EPB42: variants seen among roughly 807,000 people sequenced by gnomAD.
EPB42 encodes the protein protein 4.2.
In EPB42, 49 loss-of-function variants were observed where a neutral mutation model predicts 76.9. The observed-to-expected ratio is 0.64, with a 90% CI of 0.51 to 0.81. The LOEUF (loss-of-function observed/expected upper bound fraction) is 0.81, where lower values mean the gene tolerates loss of function less well. Among genes scored for constraint, EPB42 ranks in the 30% least tolerant of loss-of-function variants. The pLI is 0.00. For synonymous variants in EPB42, 310 were observed against 338.4 expected (o/e 0.92, Z 0.92); for missense variants, 731 against 867.6 (o/e 0.84, Z 1.98).
chr15:43,207,056 G>A (rs1424064284), intron 9 of EPB42, 143 bp downstream of exon 9: 2 of 1,214,056 alleles, frequency 1.6e-6, no homozygotes, highest in African/African-American at 1.5e-5. Context: ...AAATGTCAAT[G>A]GTGTCAAATG....
At chr15:43,222,864 T>A (rs775839185), upstream of EPB42, among the ~76,000 whole-genome samples, 4 of 152,240 alleles carry the variant, frequency 2.6e-5, no homozygotes, top group Non-Finnish European at 5.9e-5. Flanking sequence ...ATCAAAACTC[T>A]TATTAAATTC....
chr15:43,220,659 C>CCA, intron 1 of EPB42, 157 bp downstream of exon 1: 1 of 1,060,118 alleles, frequency 9.4e-7, no homozygotes, highest in South Asian at 1.3e-5. Context: ...ACCCCCCCCC[C>CCA]ACAGCCACCT....
At position 43,203,263 on chromosome 15, in the gene EPB42, G is replaced by C. The variant is rs552637754; in HGVS notation, c.1631C>G (p.Thr544Ser). The change falls in exon 11 of 13, where the codon ACC (threonine) becomes AGC (serine). Residue 544 changes from threonine (T) to serine (S), a missense_variant. Thr to Ser is a moderately conservative substitution (Grantham distance 58). Transcript: ENST00000441366. ...TLSANLEKII[T>S]IGLFFSNFER... ...AAAATTGGAGAAGAACAGGCCGATG[G>C]TTATTATCTTTTCTGAAACACATGA... 6.2e-7 allele frequency: 1 copy of C among 1,614,044 alleles called. No homozygotes were observed.
chr15:43,208,536 C>A, intron 7 of EPB42, 101 bp downstream of exon 7: 1 of 1,572,450 alleles, frequency 6.4e-7, no homozygotes, highest in Non-Finnish European at 8.7e-7. Flanking sequence ...AGCCTACTCT[C>A]CATGCCAGGG....
intron 3 of EPB42, among the ~76,000 whole-genome samples, chr15:43,214,471 T>C (rs2042346402): frequency 6.6e-6 from 1 of 152,076 alleles, no homozygotes; most frequent in Non-Finnish European, 1.5e-5. Context: ...AAGAACAGAA[T>C]GAGCCGGAAG....
intron 3 of EPB42, 91 bp downstream of exon 3, chr15:43,215,004 G>T: frequency 9.1e-7 from 1 of 1,095,242 alleles, no homozygotes; most frequent in Non-Finnish European, 1.4e-6. Context: ...TGCCACAGGG[G>T]CCTGGTGCAG....
At chr15:43,210,863 G>C (rs2042285002) in intron 4 of EPB42, among the ~76,000 whole-genome samples, 1 of 152,236 alleles carries the variant, frequency 6.6e-6, no homozygotes, top group Non-Finnish European at 1.5e-5. Flanking sequence ...TGGACACGCA[G>C]TGCAGCCCCT....
In EPB42 at chr15:43,206,037, G is replaced by T; in HGVS notation, c.1618+293C>A. 2.9e-6 allele frequency: 1 copy of T among 341,350 alleles called. No individual in the cohort carries two copies. The highest frequency in any genetic ancestry group is 5.4e-6 in the Non-Finnish European group (1 of 186,372). The allele number at this position is 341,350 out of a possible 1,614,324, so 21.1% of individuals were successfully genotyped here. ...TTGGGGGCAGCTTATTCCAGCCTGG[G>T]GGGAGGTGCTCTCCTGCCACTGTAC... On this transcript the variant is annotated intron_variant, in intron 10 of 12. Transcript: ENST00000441366. The surrounding 1 kb of genome is among the most constrained non-coding windows in gnomAD (Gnocchi z 4.7).
At chr15:43,210,570 C>T (rs1460257365) in intron 4 of EPB42, 131 bp from the exon 5 acceptor site, 1 of 799,000 alleles carries the variant, frequency 1.3e-6, no homozygotes, top group Non-Finnish European at 2.1e-6. Flanking sequence ...GCACTCCACA[C>T]CTGCCTCCCT....
At chr15:43,218,293 C>G (rs1435242377) in intron 1 of EPB42, among the ~76,000 whole-genome samples, 2 of 152,136 alleles carry the variant, frequency 1.3e-5, no homozygotes, top group Non-Finnish European at 2.9e-5. Context: ...GTATCCGAAC[C>G]CACGTAATGA....
rs1471026530 is a variant in EPB42, at chr15:43,206,945, A to G, written c.1318+254T>C. On this transcript the variant is annotated intron_variant, in intron 9 of 12. Coordinates refer to ENST00000441366, the MANE Select transcript of EPB42 (RefSeq NM_001114134.2). The surrounding 1 kb of genome is among the most constrained non-coding windows in gnomAD (Gnocchi z 4.7). ...CTGAGGACAGTTTTGCAGGGAACTG[A>G]ATTTTCCTATGTGAAAGAATTTAGA... Among the ~76,000 whole-genome samples, 1 of 152,192 alleles carries G rather than the reference A, an allele frequency of 6.6e-6. No homozygotes were observed. Among genetic ancestry groups the G allele is most frequent in the Non-Finnish European group, 1.5e-5 (1 of 68,034 alleles).
chr15:43,208,580 C>A, intron 7 of EPB42, 57 bp downstream of exon 7: 1 of 1,612,372 alleles, frequency 6.2e-7, no homozygotes, highest in Non-Finnish European at 8.5e-7. Flanking sequence ...CAGAGGTGTG[C>A]TATGCAGGGT....
intron 2 of EPB42, among the ~76,000 whole-genome samples, chr15:43,215,770 C>T (rs1006199588): frequency 2.6e-5 from 4 of 152,230 alleles, no homozygotes; most frequent in African/African-American, 9.6e-5. Context: ...GATCTCGGCT[C>T]ATTGCAACCT....
At chr15:43,201,490 C>A (rs2042124766) in intron 12 of EPB42, among the ~76,000 whole-genome samples, 1 of 152,170 alleles carries the variant, frequency 6.6e-6, no homozygotes, top group Admixed American at 6.5e-5. Context: ...CAGAATGTAG[C>A]CCTCTGACCA....
intron 12 of EPB42, among the ~76,000 whole-genome samples, chr15:43,199,269 C>T (rs1049838904): frequency 8.5e-5 from 13 of 152,304 alleles, no homozygotes; most frequent in South Asian, 2.1e-4. Context: ...CTGGGAGGGA[C>T]GCTGTACCCT....
chr15:43,219,731 G>A (rs1240121222), intron 1 of EPB42, among the ~76,000 whole-genome samples: 4 of 152,116 alleles, frequency 2.6e-5, no homozygotes, highest in Non-Finnish European at 4.4e-5. Context: ...AGGATCACGA[G>A]GTCAAGAGAT....
intron 1 of EPB42, 137 bp downstream of exon 1, chr15:43,220,679 C>T (rs113227921): frequency 1.3e-5 from 18 of 1,410,016 alleles, no homozygotes; most frequent in Non-Finnish European, 1.6e-5. Flanking sequence ...TCATTATCAC[C>T]AGTACCCCCT....
rs2042057857 is a variant in EPB42 at position 43,197,463 on chromosome 15, A to T, written c.1915T>A (p.Phe639Ile). 1 of 1,614,082 alleles carries T rather than the reference A, an allele frequency of 6.2e-7. No homozygotes were observed. The highest frequency in any genetic ancestry group is 2.2e-5 in the East Asian group (1 of 44,886). Residue 639 changes from phenylalanine to isoleucine, a missense_variant and splice_region_variant, in exon 13 of 13, where the codon TTC (phenylalanine) becomes ATC (isoleucine). Phe to Ile is a conservative substitution (Grantham distance 21, BLOSUM62 0). Coordinates refer to ENST00000441366, the MANE Select transcript of EPB42 (RefSeq NM_001114134.2). ...GTGTTTTCAGGCCACACTGAACGGAATCTGAAATAAAGGAAAAGGCAGGTG... is the reference window on the plus strand; with the variant it reads ...GTGTTTTCAGGCCACACTGAACGGATTCTGAAATAAAGGAAAAGGCAGGTG... ...GLIHRERSYR[F>I]RSVWPENTMC...
chr15:43,208,690 T>A lies in EPB42; in HGVS notation c.918A>T (p.Glu306Asp). Residue 306 changes from glutamate to aspartate, a missense_variant, in exon 7 of 13, where the codon GAA becomes GAT. Coordinates refer to ENST00000441366, the MANE Select transcript of EPB42 (RefSeq NM_001114134.2). ...TCTGAAGTCCCTCCTCATTATAGTATTCATCTATGAGAAGACGCCCACCGG... is the reference window on the plus strand; with the variant it reads ...TCTGAAGTCCCTCCTCATTATAGTAATCATCTATGAGAAGACGCCCACCGG... ...QGTGGRLLID[E>D]YYNEEGLQNG... is the part of the protein sequence containing the mutation. The A allele has an allele frequency of 6.2e-7, 1 of 1,614,140 alleles. No individual in the cohort carries two copies. The highest frequency in any genetic ancestry group is 2.2e-5 in the East Asian group (1 of 44,878).
Sources: allele counts gnomAD v4.1 joint callset (sites outside exome capture counted in the v4.1 genomes callset), GRCh38; gene constraint gnomAD v4.1.1; non-coding constraint Gnocchi (gnomAD v3.1); transcripts MANE v1.5; gene names NCBI Gene and HGNC (gene_info 2026-07-23, HGNC 2026-07-21).